Variants in CCAR1 observed in about 807,000 individuals in gnomAD.
CCAR1 encodes cell division cycle and apoptosis regulator 1, also known as cell division cycle and apoptosis regulator protein 1.
Under a neutral mutation model 163.8 loss-of-function variants are expected in CCAR1, and 78 were observed. The observed-to-expected ratio is 0.48, with a 90% CI of 0.40 to 0.57. The LOEUF (loss-of-function observed/expected upper bound fraction) is 0.57. CCAR1 is among the 20% of genes least tolerant of loss of function. The probability of loss-of-function intolerance (pLI) is 0.00; values close to 1 mark genes in which losing one functional copy is unlikely to be tolerated. For missense variants in CCAR1, 1,019 were observed against 1,365.2 expected (o/e 0.75, Z 4.00); for synonymous variants, 443 against 460.7 (o/e 0.96, Z 0.49).
chr10:68,787,343 A>G (rs914787947), intron 21 of CCAR1, among the ~76,000 whole-genome samples: 1 of 152,004 alleles, frequency 6.6e-6, no homozygotes, highest in Non-Finnish European at 1.5e-5. Context: ...ATAGCTGCAC[A>G]GTACCCATTA....
chr10:68,757,748 A>G (rs997134085), intron 15 of CCAR1, among the ~76,000 whole-genome samples: 4 of 151,562 alleles, frequency 2.6e-5, no homozygotes, highest in Admixed American at 2.6e-4. Flanking sequence ...ATTAAAAGGC[A>G]ATTTTATAAA....
intron 15 of CCAR1, among the ~76,000 whole-genome samples, chr10:68,760,607 G>A (rs1484841800): frequency 5.3e-5 from 8 of 152,116 alleles, no homozygotes; most frequent in African/African-American, 4.8e-5. Flanking sequence ...GGTGGCTCAC[G>A]CCTGTAATCC....
chr10:68,765,170 C>G (rs1267297734), intron 16 of CCAR1, among the ~76,000 whole-genome samples: 1 of 152,126 alleles, frequency 6.6e-6, no homozygotes, highest in Non-Finnish European at 1.5e-5. Context: ...TTTGTTGTCC[C>G]TCTCCTAGTC....
chr10:68,737,941 C>A, intron 4 of CCAR1, 52 bp downstream of exon 4: 1 of 1,209,714 alleles, frequency 8.3e-7, no homozygotes, highest in Non-Finnish European at 1.2e-6. Context: ...GCCATTTGCT[C>A]CAAAGTTCAA....
chr10:68,741,882 C>A (rs2056188614), intron 5 of CCAR1, among the ~76,000 whole-genome samples: 1 of 152,130 alleles, frequency 6.6e-6, no homozygotes, highest in Admixed American at 6.6e-5. Flanking sequence ...ATTGAGAAAT[C>A]AACCTGTTTT....
At chr10:68,744,773 A>T (rs2056229882) in intron 6 of CCAR1, among the ~76,000 whole-genome samples, 3 of 151,902 alleles carry the variant, frequency 2.0e-5, no homozygotes, top group Non-Finnish European at 4.4e-5. Flanking sequence ...CTTTAAACTC[A>T]TGTTTATAAG....
Position 68,745,227 on chromosome 10 carries a change from C to T in CCAR1, c.519-1934C>T, listed in dbSNP as rs571289858. 7.2e-5 allele frequency among the ~76,000 whole-genome samples: 11 copies of T among 152,100 alleles called. No homozygotes were observed. In the East Asian group the frequency reaches 2.1e-3, roughly 29 times the overall value. On this transcript the variant is annotated intron_variant, in intron 6 of 24. Coordinates refer to ENST00000265872, the MANE Select transcript of CCAR1 (RefSeq NM_018237.4). Reference sequence around the variant, plus strand: ...TTCACCGTGTTGGTCAGGCTGGTCTCGAACTGCTGACCTCGTGATCCACCC... The same window carrying T: ...TTCACCGTGTTGGTCAGGCTGGTCTTGAACTGCTGACCTCGTGATCCACCC...
intron 6 of CCAR1, among the ~76,000 whole-genome samples, chr10:68,745,306 C>T (rs1008775682): frequency 4.6e-5 from 7 of 151,486 alleles, no homozygotes; most frequent in Non-Finnish European, 8.8e-5. Context: ...ACGCCCGGCC[C>T]TTTTTGTTTT....
chr10:68,746,613 G>A (rs1004988481), intron 6 of CCAR1, among the ~76,000 whole-genome samples: 1 of 151,936 alleles, frequency 6.6e-6, no homozygotes, highest in Non-Finnish European at 1.5e-5. Flanking sequence ...TTGAGACCGA[G>A]TCTCGTCTGT....
intron 10 of CCAR1, among the ~76,000 whole-genome samples, chr10:68,751,260 C>T (rs1458225234): frequency 6.6e-6 from 1 of 152,024 alleles, no homozygotes; most frequent in Non-Finnish European, 1.5e-5. Flanking sequence ...CTCCTTACCT[C>T]AGGTGATCCA....
chr10:68,784,940 T>C (rs939157578), intron 19 of CCAR1, among the ~76,000 whole-genome samples: 6 of 142,858 alleles, frequency 4.2e-5, no homozygotes, highest in African/African-American at 1.6e-4. Flanking sequence ...TTTTTTGAGA[T>C]GGAGTCTCGC....
intron 4 of CCAR1, among the ~76,000 whole-genome samples, chr10:68,739,057 T>C (rs1329816241): frequency 6.6e-6 from 1 of 152,244 alleles, no homozygotes; most frequent in Non-Finnish European, 1.5e-5. Context: ...ACCCTTTTCC[T>C]TAGACACATT....
At chr10:68,788,917 T>G (rs1489460271) in intron 23 of CCAR1, among the ~76,000 whole-genome samples, 1 of 149,416 alleles carries the variant, frequency 6.7e-6, no homozygotes, top group Non-Finnish European at 1.5e-5. Flanking sequence ...TGGTTCCACT[T>G]TTTTTTTTTT....
At chr10:68,749,058 G>A in intron 8 of CCAR1, 78 bp from the exon 9 acceptor site, 1 of 1,538,176 alleles carries the variant, frequency 6.5e-7, no homozygotes, top group East Asian at 2.3e-5. Flanking sequence ...ATTTAACTTT[G>A]TTCCTCTAAT....
At chr10:68,749,094 T>C in intron 8 of CCAR1, 42 bp from the exon 9 acceptor site, 1 of 1,611,650 alleles carries the variant, frequency 6.2e-7, no homozygotes, top group South Asian at 1.1e-5. Flanking sequence ...CTTCGAACTT[T>C]GTTTAGACAC....
chr10:68,764,661 G>A (rs966880477), intron 16 of CCAR1, among the ~76,000 whole-genome samples: 13 of 151,880 alleles, frequency 8.6e-5, no homozygotes, highest in Admixed American at 6.6e-5. Context: ...CCTTTCCCAC[G>A]GCCACTTCTA....
intron 19 of CCAR1, among the ~76,000 whole-genome samples, chr10:68,778,050 C>G (rs183594595): frequency 1.3e-5 from 2 of 152,070 alleles, no homozygotes; most frequent in Non-Finnish European, 2.9e-5. Context: ...GAAACCCCTT[C>G]TGCTAAAAAT....
chr10:68,789,956 A>C (rs747909867), intron 24 of CCAR1, 41 bp downstream of exon 24: 1 of 1,271,522 alleles, frequency 7.9e-7, no homozygotes, highest in Admixed American at 2.4e-5. Context: ...TAGTTTTAAA[A>C]ATCTAACTCT....
rs887203514 is a variant in CCAR1, at chr10:68,769,332, T to C, written c.2299-1874T>C. ...AATGGACTTTAGCCTTAGAAATTGG[T>C]ACATAAGGCTGGGTGCAGTGGCTCA... is the stretch of plus-strand genomic sequence containing the variant. On this transcript the variant is annotated intron_variant, in intron 17 of 24. Transcript: ENST00000265872. Among the ~76,000 whole-genome samples the C allele has an allele frequency of 4.5e-4, 69 of 152,196 alleles. 1 individual carries two copies. The highest frequency in any genetic ancestry group is 1.6e-3 in the African/African-American group (66 of 41,540).
Sources: gnomAD v4.1 joint callset for allele counts (sites outside exome capture counted in the v4.1 genomes callset) on GRCh38, gnomAD v4.1.1 for gene constraint, MANE v1.5 for transcripts, NCBI Gene and HGNC (gene_info 2026-07-23, HGNC 2026-07-21) for gene names.